The following ROBO1 variants were observed in gnomAD, a reference collection of about 807,000 sequenced individuals.
ROBO1 encodes the protein roundabout guidance receptor 1.
A neutral mutation model predicts 195.9 loss-of-function variants in ROBO1; 149 were observed. The observed-to-expected ratio is 0.76, with a 90% CI of 0.67 to 0.87. The LOEUF (loss-of-function observed/expected upper bound fraction) is 0.87, where lower values mean the gene tolerates loss of function less well. Ranked by LOEUF, ROBO1 falls within the 40% of genes least tolerant of loss-of-function variation. The pLI, the probability that ROBO1 is intolerant of heterozygous loss-of-function variation, is 0.00. For synonymous variants in ROBO1, 816 were observed against 733.2 expected (o/e 1.11, Z -1.82); for missense variants, 1,933 against 2,068.3 (o/e 0.93, Z 1.27).
At chr3:78,924,528 A>G (rs1040311112) in intron 4 of ROBO1, among the ~76,000 whole-genome samples, 1 of 152,126 alleles carries the variant, frequency 6.6e-6, no homozygotes, top group African/African-American at 2.4e-5. Flanking sequence ...CTGACATTCT[A>G]AAAACACTGA....
chr3:78,816,375 G>C lies in ROBO1; in HGVS notation c.500-69475C>G, dbSNP rs1482416938. Among the ~76,000 whole-genome samples, 7 of 145,918 alleles carry C rather than the reference G, an allele frequency of 4.8e-5. No individual in the cohort carries two copies. In the East Asian group the frequency reaches 1.0e-3, roughly 22 times the overall value. On this transcript the variant is annotated intron_variant, in intron 4 of 30. Coordinates refer to ENST00000464233, the MANE Select transcript of ROBO1 (RefSeq NM_002941.4). ...ATGTACCCAGTCACCTGAGAACTCTGATGGAGAAGTACGAAAAGAGTAATG... is the reference window on the plus strand; with the variant it reads ...ATGTACCCAGTCACCTGAGAACTCTCATGGAGAAGTACGAAAAGAGTAATG...
At chr3:79,371,342 C>T (rs2036185241) in intron 2 of ROBO1, among the ~76,000 whole-genome samples, 1 of 151,954 alleles carries the variant, frequency 6.6e-6, no homozygotes, top group Non-Finnish European at 1.5e-5. Flanking sequence ...TATTTGAATA[C>T]CTATTTCCAG....
At chr3:79,698,440 T>G (rs1947511351) in intron 1 of ROBO1, among the ~76,000 whole-genome samples, 1 of 151,484 alleles carries the variant, frequency 6.6e-6, no homozygotes, top group Non-Finnish European at 1.5e-5. Flanking sequence ...CAGATTCACC[T>G]CTTTTAATTT....
At chr3:79,479,769 T>C (rs981772778) in intron 2 of ROBO1, among the ~76,000 whole-genome samples, 4 of 152,218 alleles carry the variant, frequency 2.6e-5, no homozygotes, top group African/African-American at 9.6e-5. Flanking sequence ...AAATACGTTA[T>C]GTCAGTTACA....
intron 2 of ROBO1, among the ~76,000 whole-genome samples, chr3:79,157,479 A>T (rs1189559035): frequency 6.6e-6 from 1 of 151,892 alleles, no homozygotes; most frequent in Non-Finnish European, 1.5e-5. Flanking sequence ...AAGGAAAAAA[A>T]CACAAACACC....
At chr3:78,772,246 T>C (rs936031340) in intron 4 of ROBO1, among the ~76,000 whole-genome samples, 1 of 152,070 alleles carries the variant, frequency 6.6e-6, no homozygotes, top group African/African-American at 2.4e-5. Context: ...AGTTCTGCAG[T>C]ATACAAACCC....
chr3:79,260,416 T>C (rs2082918380), intron 2 of ROBO1, among the ~76,000 whole-genome samples: 1 of 152,100 alleles, frequency 6.6e-6, no homozygotes, highest in Non-Finnish European at 1.5e-5. Flanking sequence ...TATATTTATG[T>C]ATATTATCTG....
At chr3:79,671,679 A>G (rs1260739541) in intron 1 of ROBO1, among the ~76,000 whole-genome samples, 1 of 151,902 alleles carries the variant, frequency 6.6e-6, no homozygotes, top group Admixed American at 6.6e-5. Flanking sequence ...TAAGTTGGCC[A>G]TAATGTCAAA....
intron 1 of ROBO1, among the ~76,000 whole-genome samples, chr3:79,621,728 A>G (rs148299470): frequency 3.3e-5 from 5 of 152,312 alleles, no homozygotes; most frequent in African/African-American, 1.2e-4. Flanking sequence ...GGAATTCATC[A>G]CCACTAGACC....
At chr3:78,823,451 T>C (rs1375257411) in intron 4 of ROBO1, among the ~76,000 whole-genome samples, 1 of 152,158 alleles carries the variant, frequency 6.6e-6, no homozygotes, top group Non-Finnish European at 1.5e-5. Flanking sequence ...CAGGGAACAA[T>C]ATCAAACATG....
At chr3:79,589,492 C>A (rs1202841458) in intron 2 of ROBO1, among the ~76,000 whole-genome samples, 9 of 151,648 alleles carry the variant, frequency 5.9e-5, no homozygotes, top group Non-Finnish European at 1.3e-4. Flanking sequence ...GCTTAGGTTT[C>A]CTTTGTGTGT....
chr3:78,806,970 G>A (rs1421907244), intron 4 of ROBO1, among the ~76,000 whole-genome samples: 1 of 151,974 alleles, frequency 6.6e-6, no homozygotes, highest in Non-Finnish European at 1.5e-5. Context: ...ACCACACCTG[G>A]CTAATTTTTG....
At chr3:79,661,002 C>T (rs1239135595) in intron 1 of ROBO1, among the ~76,000 whole-genome samples, 2 of 152,076 alleles carry the variant, frequency 1.3e-5, no homozygotes, top group East Asian at 3.9e-4. Flanking sequence ...GACAGCCCCT[C>T]AGAAATCCTA....
intron 24 of ROBO1, 105 bp downstream of exon 24, chr3:78,633,830 G>A (rs1705323651): frequency 1.6e-6 from 1 of 627,008 alleles, no homozygotes; most frequent in South Asian, 2.6e-5. Flanking sequence ...TACATACAGT[G>A]ATTTAGACAT....
At chr3:79,689,272 AT>A (rs1230538187) in intron 1 of ROBO1, among the ~76,000 whole-genome samples, 1 of 152,034 alleles carries the variant, frequency 6.6e-6, no homozygotes, top group African/African-American at 2.4e-5. Flanking sequence ...TTGATTTAAA[AT>A]TGTAGATGGT....
chr3:78,976,394 C>T (rs2076885597), intron 3 of ROBO1, among the ~76,000 whole-genome samples: 1 of 152,190 alleles, frequency 6.6e-6, no homozygotes, highest in Non-Finnish European at 1.5e-5. Context: ...TGACCTGAGG[C>T]TGTCTCCACT....
At chr3:79,082,906 C>T (rs1489513516) in intron 3 of ROBO1, among the ~76,000 whole-genome samples, 1 of 152,062 alleles carries the variant, frequency 6.6e-6, no homozygotes, top group Non-Finnish European at 1.5e-5. Context: ...TCCCTAGGAA[C>T]GAAACTGTCC....
chr3:78,872,087 T>C (rs188808812), intron 4 of ROBO1, among the ~76,000 whole-genome samples: 2 of 152,214 alleles, frequency 1.3e-5, no homozygotes, highest in Non-Finnish European at 2.9e-5. Context: ...GCAACTATTT[T>C]ATAAGATGTG....
intron 5 of ROBO1, among the ~76,000 whole-genome samples, chr3:78,734,254 C>T (rs2082343790): frequency 6.6e-6 from 1 of 152,044 alleles, no homozygotes. Flanking sequence ...TCTAATGTTA[C>T]TTTGACTGAA....
Sources: gnomAD v4.1 joint callset for allele counts (sites outside exome capture counted in the v4.1 genomes callset) on GRCh38, gnomAD v4.1.1 for gene constraint, MANE v1.5 for transcripts, NCBI Gene and HGNC (gene_info 2026-07-23, HGNC 2026-07-21) for gene names.